Variants in LRRC37A2 observed in about 807,000 individuals in gnomAD.
The protein encoded by LRRC37A2 is leucine-rich repeat-containing protein 37A2.
Under a neutral mutation model 68.8 loss-of-function variants are expected in LRRC37A2, and 9 were observed. That is an observed-to-expected ratio of 0.13 (90% CI 0.08 to 0.23). LRRC37A2 has a LOEUF of 0.23. LRRC37A2 is among the 10% of genes least tolerant of loss of function. The probability of loss-of-function intolerance (pLI) is 1.00; values close to 1 mark genes in which losing one functional copy is unlikely to be tolerated. For synonymous variants in LRRC37A2, 63 were observed against 367.6 expected (o/e 0.17, Z 9.48); for missense variants, 168 against 950.4 (o/e 0.18, Z 10.82).
At chr17:46,987,378 G>A in the LRRC37A2 span, among the ~76,000 whole-genome samples, 2 of 152,120 alleles carry the variant, frequency 1.3e-5, no homozygotes, top group Non-Finnish European at 2.9e-5. Flanking sequence ...CCAAAACACA[G>A]GGGAGACACA....
chr17:46,785,972 C>T, the LRRC37A2 span, among the ~76,000 whole-genome samples: 2 of 152,170 alleles, frequency 1.3e-5, no homozygotes, highest in Non-Finnish European at 2.9e-5. Context: ...GTGACAAGAC[C>T]GCCTGAAAAA....
At chr17:47,022,166 C>CTTTTTTTTTTT in the LRRC37A2 span, among the ~76,000 whole-genome samples, 98 of 15,830 alleles carry the variant, frequency 6.2e-3, 32 homozygotes, top group East Asian at 0.046. Flanking sequence ...CCTTTTTGTT[C>CTTTTTTTTTTT]TCTTTTTTTT....
At chr17:46,742,666 A>G in the LRRC37A2 span, among the ~76,000 whole-genome samples, 2 of 152,170 alleles carry the variant, frequency 1.3e-5, no homozygotes, top group Admixed American at 6.5e-5. Flanking sequence ...CTTGGAGGGA[A>G]AGGCCTGTGT....
At chr17:46,720,813 G>A in the LRRC37A2 span, among the ~76,000 whole-genome samples, 19 of 152,158 alleles carry the variant, frequency 1.2e-4, no homozygotes, top group Non-Finnish European at 2.2e-4. Flanking sequence ...CAGAGTGTTT[G>A]GCTTTGCTTA....
At chr17:46,417,053 G>A in the LRRC37A2 span, among the ~76,000 whole-genome samples, 2 of 150,106 alleles carry the variant, frequency 1.3e-5, no homozygotes, top group African/African-American at 2.5e-5. Context: ...AGTTGAGATC[G>A]TGCCACTGCA....
the LRRC37A2 span, among the ~76,000 whole-genome samples, chr17:46,942,177 A>G: frequency 6.6e-6 from 1 of 152,210 alleles, no homozygotes; most frequent in Non-Finnish European, 1.5e-5. Context: ...GGGGAACCCT[A>G]ATTTGACTTT....
At chr17:46,779,381 C>G in the LRRC37A2 span, among the ~76,000 whole-genome samples, 16 of 152,278 alleles carry the variant, frequency 1.1e-4, no homozygotes, top group African/African-American at 3.8e-4. Flanking sequence ...AGGACCCTGC[C>G]AGGCCTTCGC....
the LRRC37A2 span, among the ~76,000 whole-genome samples, chr17:47,046,259 C>A: frequency 7.7e-6 from 1 of 129,956 alleles, no homozygotes; most frequent in Non-Finnish European, 1.6e-5. Context: ...TTGGAGGATC[C>A]CTTGAGCCCA....
At chr17:46,773,972 A>G in the LRRC37A2 span, 12 of 1,574,884 alleles carry the variant, frequency 7.6e-6, no homozygotes, top group Non-Finnish European at 1.0e-5. Context: ...CCTGGGCACC[A>G]TGGCCGCTTT....
At chr17:46,543,793 AAG>A (rs1398479495) in intron 8 of LRRC37A2, among the ~76,000 whole-genome samples, 1 of 150,934 alleles carries the variant, frequency 6.6e-6, no homozygotes, top group Admixed American at 6.6e-5. Flanking sequence ...AAAGGAAAAA[AAG>A]AAAATGTTTA....
intron 11 of LRRC37A2, among the ~76,000 whole-genome samples, chr17:46,551,055 T>C (rs2056752469): frequency 2.0e-5 from 3 of 150,082 alleles, no homozygotes; most frequent in Non-Finnish European, 4.4e-5. Flanking sequence ...CAAAAATTTT[T>C]GGCCACATTT....
Position 46,520,857 on chromosome 17 carries a change from C to A in LRRC37A2, c.2753+574C>A, listed in dbSNP as rs1472538040. 7.6e-5 allele frequency among the ~76,000 whole-genome samples: 5 copies of A among 65,836 alleles called. 2 individuals carry two copies. The East Asian group carries it at 1.3e-3, about 17-fold the overall frequency. 43.2% of individuals were successfully genotyped at this position (65,836 alleles called of 152,430 possible). ...GAAGAAAATGGAGACCACCTGCATT[C>A]ATTTGAACATCATTAATCCAGAATT... On this transcript the variant is annotated intron_variant, in intron 4 of 14. Transcript: ENST00000576629.
the LRRC37A2 span, chr17:46,726,423 T>C: frequency 1.2e-6 from 1 of 846,366 alleles, no homozygotes. Context: ...TCTAATTTAT[T>C]GTAGTCCAAA....
the LRRC37A2 span, chr17:46,721,685 G>T: frequency 1.9e-6 from 3 of 1,604,820 alleles, no homozygotes; most frequent in Non-Finnish European, 2.6e-6. Context: ...GTTCTGCTGT[G>T]CTTTGTCCAA....
chr17:46,918,051 G>A, the LRRC37A2 span, among the ~76,000 whole-genome samples: 1 of 152,062 alleles, frequency 6.6e-6, no homozygotes, highest in Non-Finnish European at 1.5e-5. Flanking sequence ...TATTCTTCAC[G>A]AGTCCATGAA....
At chr17:46,552,607 G>A in intron 11 of LRRC37A2, 1 of 60,086 alleles carries the variant, frequency 1.7e-5, no homozygotes, top group Admixed American at 1.7e-4. Context: ...TGTATTAAGT[G>A]CCAGCTGCAT....
the LRRC37A2 span, among the ~76,000 whole-genome samples, chr17:46,870,590 T>A: frequency 6.6e-6 from 1 of 152,062 alleles, no homozygotes; most frequent in African/African-American, 2.4e-5. Flanking sequence ...CATGATGGGT[T>A]GACTGCACCT....
chr17:46,811,241 C>T, the LRRC37A2 span, among the ~76,000 whole-genome samples: 1 of 101,170 alleles, frequency 9.9e-6, no homozygotes, highest in East Asian at 1.9e-4. Context: ...GGGAACTAAG[C>T]GGCCTTAGGT....
chr17:46,889,282 A>C, the LRRC37A2 span, among the ~76,000 whole-genome samples: 3 of 151,944 alleles, frequency 2.0e-5, no homozygotes, highest in Non-Finnish European at 4.4e-5. Flanking sequence ...CAGAATCAGG[A>C]CCTCTGGGTA....
Sources: allele counts gnomAD v4.1 joint callset (sites outside exome capture counted in the v4.1 genomes callset), GRCh38; gene constraint gnomAD v4.1.1; transcripts MANE v1.5; gene names NCBI Gene and HGNC (gene_info 2026-07-23, HGNC 2026-07-21).